Variants in UBE3C observed in about 807,000 individuals in gnomAD.
UBE3C encodes the protein ubiquitin protein ligase E3C.
In UBE3C, 42 loss-of-function variants were observed where a neutral mutation model predicts 129.4. The observed-to-expected ratio is 0.32, with a 90% confidence interval of 0.25 to 0.42. The LOEUF (loss-of-function observed/expected upper bound fraction) is 0.42. Ranked by LOEUF, UBE3C falls within the 10% of genes least tolerant of loss-of-function variation. UBE3C has a pLI of 1.00. For missense variants in UBE3C, 1,049 were observed against 1,319.1 expected (o/e 0.80, Z 3.17); for synonymous variants, 510 against 492.4 (o/e 1.04, Z -0.47).
In UBE3C at chr7:157,182,106, A is replaced by G; in HGVS notation, c.771-2A>G. 1.3e-6 allele frequency: 2 copies of G among 1,552,296 alleles called. No individual in the cohort carries two copies. The highest frequency in any genetic ancestry group is 1.7e-6 in the Non-Finnish European group (2 of 1,156,030). ...TAAAAAGCTTCTGTTTTTCTTTTTC[A>G]GGCAACAAGTTTTTACAGCCTTCAC... is the stretch of plus-strand genomic sequence containing the variant. On this transcript the variant is annotated splice_acceptor_variant, in intron 7 of 22. Coordinates refer to ENST00000348165, the MANE Select transcript of UBE3C (RefSeq NM_014671.3). LOFTEE classifies it high-confidence loss of function.
At chr7:157,240,679 A>G (rs939989909) in intron 18 of UBE3C, among the ~76,000 whole-genome samples, 1 of 152,160 alleles carries the variant, frequency 6.6e-6, no homozygotes, top group Non-Finnish European at 1.5e-5. Context: ...TAGAGAGGAA[A>G]TTAATCCGTG....
intron 17 of UBE3C, among the ~76,000 whole-genome samples, chr7:157,227,624 C>T (rs951031454): frequency 1.3e-5 from 2 of 151,120 alleles, no homozygotes; most frequent in Admixed American, 6.6e-5. Context: ...GGCATGAACC[C>T]GGGAGGCGGA....
At chr7:157,250,078 G>A (rs151104396) in intron 19 of UBE3C, among the ~76,000 whole-genome samples, 2 of 152,344 alleles carry the variant, frequency 1.3e-5, no homozygotes, top group East Asian at 3.9e-4. Flanking sequence ...TACTGACCCT[G>A]TGTGGTGAGA....
At position 157,148,749 on chromosome 7, in the gene UBE3C, T is replaced by TTC. The variant is rs1554419381; in HGVS notation, c.66+9411_66+9412insTC. ...ATTAGTTCTTTTTTTTTTTTTTTTT[T>TTC]CCTTTAAGAGACAGGGCCTCACTGT... On this transcript the variant is annotated intron_variant, in intron 1 of 22. Coordinates refer to ENST00000348165, the MANE Select transcript of UBE3C (RefSeq NM_014671.3). Among the ~76,000 whole-genome samples the TTC allele has an allele frequency of 1.7e-3, 263 of 150,346 alleles. 2 individuals carry two copies. The highest frequency in any genetic ancestry group is 5.9e-3 in the African/African-American group (240 of 40,802).
chr7:157,217,623 C>G (rs1012846725), intron 14 of UBE3C, among the ~76,000 whole-genome samples: 2 of 151,754 alleles, frequency 1.3e-5, no homozygotes, highest in Non-Finnish European at 1.5e-5. Flanking sequence ...TCACTTAAAG[C>G]CAGGAGTTTG....
intron 11 of UBE3C, among the ~76,000 whole-genome samples, chr7:157,205,434 C>G (rs911198675): frequency 6.6e-6 from 1 of 151,644 alleles, no homozygotes; most frequent in African/African-American, 2.4e-5. Flanking sequence ...TCAGGGATAA[C>G]AGTACAAGTA....
intron 1 of UBE3C, among the ~76,000 whole-genome samples, chr7:157,151,614 C>T (rs1807759009): frequency 6.6e-6 from 1 of 152,124 alleles, no homozygotes; most frequent in African/African-American, 2.4e-5. Flanking sequence ...GAAATACTAT[C>T]TATTAAGCCG....
intron 1 of UBE3C, among the ~76,000 whole-genome samples, chr7:157,162,532 C>A (rs1039434131): frequency 6.7e-6 from 1 of 148,358 alleles, no homozygotes; most frequent in Non-Finnish European, 1.5e-5. Flanking sequence ...ATAGTGTCTC[C>A]AATCTTGAAC....
intron 1 of UBE3C, among the ~76,000 whole-genome samples, chr7:157,140,699 C>G (rs1807419163): frequency 6.6e-6 from 1 of 152,166 alleles, no homozygotes; most frequent in East Asian, 1.9e-4. Flanking sequence ...CACAGCGCCG[C>G]GCGGCCTCTG....
In UBE3C at chr7:157,184,046, G is replaced by C. The variant is rs1808742050; in HGVS notation, c.1143+17G>C. On this transcript the variant is annotated intron_variant, in intron 9 of 22. Coordinates refer to ENST00000348165, the MANE Select transcript of UBE3C (RefSeq NM_014671.3). Reference sequence around the variant, plus strand: ...TCAAGCCCGGTAAGCCCCGTGCCCTGCATCTGGGGGGCTGCGATGCAGGCA... The same window carrying C: ...TCAAGCCCGGTAAGCCCCGTGCCCTCCATCTGGGGGGCTGCGATGCAGGCA... The C allele has an allele frequency of 6.2e-7, 1 of 1,609,602 alleles. No individual in the cohort carries two copies. The highest frequency in any genetic ancestry group is 1.3e-5 in the African/African-American group (1 of 74,726).
intron 1 of UBE3C, among the ~76,000 whole-genome samples, chr7:157,145,414 A>C (rs1178048805): frequency 6.6e-6 from 1 of 152,176 alleles, no homozygotes; most frequent in African/African-American, 2.4e-5. Flanking sequence ...GCTACTCAGG[A>C]GGCTGAGGCA....
chr7:157,183,871 T>C lies in UBE3C; in HGVS notation c.992-7T>C. The C allele has an allele frequency of 6.2e-7, 1 of 1,607,670 alleles. No homozygotes were observed. The highest frequency in any genetic ancestry group is 8.5e-7 in the Non-Finnish European group (1 of 1,176,972). On this transcript the variant is annotated splice_region_variant and splice_polypyrimidine_tract_variant and intron_variant, in intron 8 of 22. Transcript: ENST00000348165. ...TAAAATACGTTTTAACTGATTGTTT[T>C]GCAAAGGGGCCCTCTCTGAGGAAGG...
chr7:157,269,051 A>G lies in UBE3C; in HGVS notation c.*1296A>G, dbSNP rs1797155930. On this transcript the variant is annotated 3_prime_UTR_variant, in exon 23 of 23. Coordinates refer to ENST00000348165, the MANE Select transcript of UBE3C (RefSeq NM_014671.3). The stretch of plus-strand genomic sequence containing the variant: ...AAAGCTGAATGACACTTTTAAGACA[A>G]TGAACATTATCAAAACAAAATGTAT... 1 of 152,672 alleles carries G rather than the reference A, an allele frequency of 6.5e-6. No individual in the cohort carries two copies. Among genetic ancestry groups the G allele is most frequent in the South Asian group, 2.1e-4 (1 of 4,838 alleles). 9.5% of individuals were successfully genotyped at this position (152,672 alleles called of 1,614,324 possible).
chr7:157,261,080 A>G (rs1316594313), intron 22 of UBE3C, among the ~76,000 whole-genome samples: 1 of 151,990 alleles, frequency 6.6e-6, no homozygotes, highest in African/African-American at 2.4e-5. Flanking sequence ...AGGCGGGTGG[A>G]TCCCCTGAGG....
chr7:157,228,006 T>C (rs1487061816), intron 17 of UBE3C, among the ~76,000 whole-genome samples: 3 of 152,252 alleles, frequency 2.0e-5, no homozygotes, highest in Admixed American at 6.5e-5. Context: ...AAGTCAGATA[T>C]CATCTCAGAA....
chr7:157,233,275 A>T (rs1200960834), intron 18 of UBE3C, among the ~76,000 whole-genome samples: 1 of 152,086 alleles, frequency 6.6e-6, no homozygotes, highest in Admixed American at 6.6e-5. Flanking sequence ...CATTGTATGG[A>T]TATACCACAC....
At chr7:157,229,786 A>G (rs544285917) in intron 17 of UBE3C, among the ~76,000 whole-genome samples, 1 of 150,624 alleles carries the variant, frequency 6.6e-6, no homozygotes, top group African/African-American at 2.4e-5. Context: ...AGCTTTTCTT[A>G]TATTTTGTAG....
intron 17 of UBE3C, 83 bp downstream of exon 17, chr7:157,225,622 G>T: frequency 7.0e-7 from 1 of 1,419,496 alleles, no homozygotes. Context: ...TTAAAAATTA[G>T]TGTCCATCAT....
rs1455985727 is a variant in UBE3C, at chr7:157,170,357, G to T, written c.249G>T (p.Gly83=). The T allele has an allele frequency of 6.0e-5, 94 of 1,576,092 alleles. No homozygotes were observed. The highest frequency in any genetic ancestry group is 7.8e-5 in the Non-Finnish European group (91 of 1,164,704). The part of the protein sequence containing the change: ...FDRCATLSQS[G]GAFPIANGPN... Reference sequence around the variant, plus strand: ...GCTGTGCTACCTTGTCACAGTCCGGGGGCGCTTTTCCCATTGCTAATGGCC... The same window carrying T: ...GCTGTGCTACCTTGTCACAGTCCGGTGGCGCTTTTCCCATTGCTAATGGCC... Residue 83 remains glycine (G), a synonymous_variant, in exon 4 of 23, where the codon GGG becomes GGT. Coordinates refer to ENST00000348165, the MANE Select transcript of UBE3C (RefSeq NM_014671.3).
Sources: allele counts gnomAD v4.1 joint callset (sites outside exome capture counted in the v4.1 genomes callset), GRCh38; gene constraint gnomAD v4.1.1; transcripts MANE v1.5; gene names NCBI Gene and HGNC (gene_info 2026-07-23, HGNC 2026-07-21).